Variants in FHIT observed in about 807,000 individuals in gnomAD.
FHIT encodes the protein fragile histidine triad diadenosine triphosphatase, also known as bis(5'-adenosyl)-triphosphatase.
Under a neutral mutation model 17.9 loss-of-function variants are expected in FHIT, and 19 were observed. The ratio of observed to expected loss-of-function variants is 1.06; its 90% CI spans 0.74 to 1.56. The LOEUF is 1.56. Among genes scored for constraint, FHIT ranks in the 40% most tolerant of loss-of-function variants. The pLI, the probability that FHIT is intolerant of heterozygous loss-of-function variation, is 0.00. For synonymous variants in FHIT, 81 were observed against 69.7 expected (o/e 1.16, Z -0.81); for missense variants, 248 against 189.2 (o/e 1.31, Z -1.82).
At position 60,374,782 on chromosome 3, in the gene FHIT, T is replaced by A. The variant is rs75161728; in HGVS notation, c.103+162078A>T. On this transcript the variant is annotated intron_variant, in intron 5 of 9. Transcript: ENST00000492590. ...AACATTTAGAATATTTTCTCAACGT[T>A]GAGACGTGATAATAGTTGTGTGGCT... 9.3e-3 allele frequency among the ~76,000 whole-genome samples: 1,422 copies of A among 152,194 alleles called. 23 individuals carry two copies. The highest frequency in any genetic ancestry group is 0.032 in the African/African-American group (1,336 of 41,524).
At chr3:60,390,396 T>TGAAAAAAAAAAAAAAA (rs1701174274) in intron 5 of FHIT, among the ~76,000 whole-genome samples, 1 of 32,030 alleles carries the variant, frequency 3.1e-5, no homozygotes, top group African/African-American at 1.2e-4. Context: ...GTAATGGAGC[T>TGAAAAAAAAAAAAAAA]AAAAAAAAAA....
At chr3:60,711,691 T>C (rs1350691941) in intron 4 of FHIT, among the ~76,000 whole-genome samples, 1 of 151,954 alleles carries the variant, frequency 6.6e-6, no homozygotes, top group Non-Finnish European at 1.5e-5. Context: ...GAAGATGAAA[T>C]GAATGAAATG....
intron 2 of FHIT, among the ~76,000 whole-genome samples, chr3:61,197,662 G>A (rs1323497497): frequency 6.6e-6 from 1 of 152,196 alleles, no homozygotes; most frequent in Non-Finnish European, 1.5e-5. Context: ...GTGCTCAGTA[G>A]GGTAAGAACA....
At chr3:60,168,765 C>A (rs576555542) in intron 5 of FHIT, among the ~76,000 whole-genome samples, 3 of 152,310 alleles carry the variant, frequency 2.0e-5, no homozygotes, top group Admixed American at 6.5e-5. Flanking sequence ...TGGCACCACA[C>A]AGTGAAGCTA....
intron 5 of FHIT, among the ~76,000 whole-genome samples, chr3:60,476,097 T>C (rs1377009528): frequency 6.6e-6 from 1 of 152,200 alleles, no homozygotes; most frequent in Non-Finnish European, 1.5e-5. Context: ...GAAAAACTGA[T>C]GGCTGTGCAG....
At chr3:60,215,120 C>G (rs1465205367) in intron 5 of FHIT, among the ~76,000 whole-genome samples, 1 of 151,910 alleles carries the variant, frequency 6.6e-6, no homozygotes, top group Admixed American at 6.6e-5. Context: ...TTCAGCGACA[C>G]TCAGTTTACC....
chr3:60,490,487 G>A (rs1479706518), intron 5 of FHIT, among the ~76,000 whole-genome samples: 1 of 151,880 alleles, frequency 6.6e-6, no homozygotes, highest in African/African-American at 2.4e-5. Flanking sequence ...ACAAAAGTGA[G>A]AAGGCTTAAA....
At chr3:59,877,637 A>G (rs1703223616) in intron 8 of FHIT, among the ~76,000 whole-genome samples, 1 of 152,212 alleles carries the variant, frequency 6.6e-6, no homozygotes, top group Non-Finnish European at 1.5e-5. Context: ...GGCTATGATC[A>G]TCAGATACCA....
Position 60,147,624 on chromosome 3 carries a change from T to C in FHIT, c.104-133472A>G, listed in dbSNP as rs144984850. On this transcript the variant is annotated intron_variant, in intron 5 of 9. Transcript: ENST00000492590. ...TGAATCCTATTTGTTTATACACTGA[T>C]ATTTATGTAATAACAAAAGAGTAAG... is the stretch of plus-strand genomic sequence containing the variant. Among the ~76,000 whole-genome samples the C allele has an allele frequency of 2.2e-4, 34 of 152,268 alleles. No homozygotes were observed. The East Asian group carries it at 6.4e-3, about 29-fold the overall frequency.
intron 5 of FHIT, among the ~76,000 whole-genome samples, chr3:60,529,826 T>A (rs2035707097): frequency 6.6e-6 from 1 of 152,198 alleles, no homozygotes; most frequent in South Asian, 2.1e-4. Context: ...TAGATACATA[T>A]AATTATCATT....
intron 4 of FHIT, among the ~76,000 whole-genome samples, chr3:60,550,012 C>G (rs533971314): frequency 6.6e-6 from 1 of 152,122 alleles, no homozygotes; most frequent in Non-Finnish European, 1.5e-5. Flanking sequence ...CTTCTACCAA[C>G]TGGAGAGTAG....
chr3:60,723,894 C>T (rs1378570046), intron 4 of FHIT, among the ~76,000 whole-genome samples: 1 of 152,190 alleles, frequency 6.6e-6, no homozygotes, highest in Non-Finnish European at 1.5e-5. Context: ...TATGTGGTAG[C>T]AGCGAGCAAA....
chr3:60,124,957 G>T (rs1489120655), intron 5 of FHIT, among the ~76,000 whole-genome samples: 1 of 152,156 alleles, frequency 6.6e-6, no homozygotes, highest in African/African-American at 2.4e-5. Context: ...GATCTGATGG[G>T]GCCCTCCAAA....
chr3:60,389,704 C>T (rs966969484), intron 5 of FHIT, among the ~76,000 whole-genome samples: 1 of 152,174 alleles, frequency 6.6e-6, no homozygotes, highest in Non-Finnish European at 1.5e-5. Flanking sequence ...GAGGTCTTTA[C>T]CGTGTAGCCA....
chr3:59,856,549 G>T (rs17061253), intron 8 of FHIT, among the ~76,000 whole-genome samples: 19,296 of 152,180 alleles, frequency 0.13, 1,609 homozygotes, highest in African/African-American at 0.23. Flanking sequence ...TATAGATGCA[G>T]ACCATTCTTC....
chr3:61,083,064 G>A (rs979143792), intron 2 of FHIT, among the ~76,000 whole-genome samples: 1 of 152,072 alleles, frequency 6.6e-6, no homozygotes, highest in Non-Finnish European at 1.5e-5. Context: ...TCTGTGGCTT[G>A]CCTTTTCTCT....
At chr3:59,895,478 T>A (rs552092163) in intron 8 of FHIT, among the ~76,000 whole-genome samples, 2 of 152,194 alleles carry the variant, frequency 1.3e-5, no homozygotes, top group South Asian at 2.1e-4. Context: ...AGAAGACATA[T>A]CAGAACATGA....
intron 8 of FHIT, among the ~76,000 whole-genome samples, chr3:59,901,061 T>A (rs561055256): frequency 2.6e-5 from 4 of 152,324 alleles, no homozygotes; most frequent in African/African-American, 9.6e-5. Context: ...TCCCATTGTC[T>A]TTATGCTTTT....
chr3:59,976,567 A>G (rs1211816959), intron 7 of FHIT, among the ~76,000 whole-genome samples: 1 of 152,010 alleles, frequency 6.6e-6, no homozygotes, highest in African/African-American at 2.4e-5. Context: ...AAAAAGAAAA[A>G]GGGGTGAAAT....
Sources: allele counts gnomAD v4.1 joint callset (sites outside exome capture counted in the v4.1 genomes callset), GRCh38; gene constraint gnomAD v4.1.1; transcripts MANE v1.5; gene names NCBI Gene and HGNC (gene_info 2026-07-23, HGNC 2026-07-21).